The following NAV1 variants were observed in gnomAD, a reference collection of about 807,000 sequenced individuals.
NAV1 encodes the protein neuron navigator 1, also known as pore membrane and/or filament interacting like protein 3.
Under a neutral mutation model 175.2 loss-of-function variants are expected in NAV1, and 18 were observed. The observed-to-expected ratio is 0.10, with a 90% CI of 0.07 to 0.15. The LOEUF (loss-of-function observed/expected upper bound fraction) is 0.15. Ranked by LOEUF, NAV1 falls within the 10% of genes least tolerant of loss-of-function variation. The probability of loss-of-function intolerance (pLI) is 1.00; values close to 1 mark genes in which losing one functional copy is unlikely to be tolerated. For synonymous variants in NAV1, 897 were observed against 978.7 expected (o/e 0.92, Z 1.56); for missense variants, 1,731 against 2,436.6 (o/e 0.71, Z 6.10).
At chr1:201,662,796 A>G (rs1077073) in intron 1 of NAV1, among the ~76,000 whole-genome samples, 45,797 of 152,064 alleles carry the variant, frequency 0.3, 7,254 homozygotes, top group Admixed American at 0.42. Flanking sequence ...AGTGCTCACA[A>G]TGGGCTTCAT....
rs532774244 is a variant in NAV1 at position 201,811,512 on chromosome 1, G to C, written c.4798-91G>C. The stretch of plus-strand genomic sequence containing the variant: ...GAACTAAAGGCCCCAGGGGAATCTA[G>C]ATCTAGTAAGACTTCTTCAAAATCC... On this transcript the variant is annotated intron_variant, in intron 24 of 29. Transcript: ENST00000367296. 21 of 1,496,770 alleles carry C rather than the reference G, an allele frequency of 1.4e-5. No individual in the cohort carries two copies. In the South Asian group the frequency reaches 2.3e-4, roughly 17 times the overall value. 92.7% of individuals were successfully genotyped at this position (1,496,770 alleles called of 1,614,324 possible). A position where few individuals can be genotyped will look rare whatever the true frequency, so the allele number is the denominator to read the frequency against.
intron 2 of NAV1, among the ~76,000 whole-genome samples, chr1:201,636,531 C>A (rs1258848411): frequency 6.6e-6 from 1 of 152,122 alleles, no homozygotes; most frequent in Non-Finnish European, 1.5e-5. Context: ...TGGTGGGAGT[C>A]CCAGGCTTCA....
At chr1:201,603,151 G>A (rs913159330) in intron 2 of NAV1, among the ~76,000 whole-genome samples, 2 of 152,176 alleles carry the variant, frequency 1.3e-5, no homozygotes, top group Admixed American at 1.3e-4. Context: ...AGGGAGACTG[G>A]ACTGAAAATT....
At chr1:201,822,457 T>C (rs1679440692) in exon 30 of NAV1, 1 of 152,674 alleles carries the variant, frequency 6.5e-6, no homozygotes, top group South Asian at 2.1e-4. Context: ...CCTTCTGCCA[T>C]GGATGTTACT....
exon 7 of NAV1, chr1:201,783,573 C>A: frequency 6.2e-7 from 1 of 1,614,160 alleles, no homozygotes; most frequent in Non-Finnish European, 8.5e-7. Flanking sequence ...TCCTGCTTCA[C>A]CCCCAGTCCG....
chr1:201,614,509 G>GC (rs1250413167), intron 2 of NAV1, among the ~76,000 whole-genome samples: 7 of 152,156 alleles, frequency 4.6e-5, no homozygotes, highest in Non-Finnish European at 1.0e-4. Flanking sequence ...CTTTCCCCTC[G>GC]CCCCCATCCT....
chr1:201,809,172 C>G lies in NAV1; in HGVS notation c.4216C>G (p.Pro1406Ala), dbSNP rs773819970. 7.4e-6 allele frequency: 12 copies of G among 1,613,838 alleles called. No homozygotes were observed. The highest frequency in any genetic ancestry group is 7.6e-6 in the Non-Finnish European group (9 of 1,179,858). Residue 1406 changes from proline to alanine, a missense_variant, in exon 21 of 30, where the codon CCC (proline) becomes GCC (alanine). This residue lies in a region of NAV1 where 122 missense variants were observed against 139.4 expected (regional missense o/e 0.88). Transcript: ENST00000367296. ...CTTTTCAATCCCCACAGACCTGTCA[C>G]CCATGGATGGCATCAGTACTTGTGG...
At chr1:201,549,806 C>T (rs559292269) in intron 1 of NAV1, among the ~76,000 whole-genome samples, 2 of 150,554 alleles carry the variant, frequency 1.3e-5, no homozygotes, top group African/African-American at 2.4e-5. Flanking sequence ...GTCAGGAGAT[C>T]GAGAACATCC....
intron 1 of NAV1, among the ~76,000 whole-genome samples, chr1:201,564,204 G>A (rs1000272924): frequency 1.3e-5 from 2 of 151,460 alleles, no homozygotes; most frequent in African/African-American, 2.5e-5. Context: ...CTGGCACAGG[G>A]TCTGGCTCAT....
intron 2 of NAV1, among the ~76,000 whole-genome samples, chr1:201,617,442 G>A (rs1668038377): frequency 6.6e-6 from 1 of 152,178 alleles, no homozygotes; most frequent in Non-Finnish European, 1.5e-5. Context: ...AGACGCATAA[G>A]CTGGGCACGG....
intron 3 of NAV1, among the ~76,000 whole-genome samples, chr1:201,772,418 G>C (rs772115926): frequency 1.3e-5 from 2 of 152,192 alleles, no homozygotes; most frequent in Non-Finnish European, 2.9e-5. Flanking sequence ...ATGCAGGTCT[G>C]TATTTCTAAA....
intron 3 of NAV1, chr1:201,739,687 A>C: frequency 1.2e-6 from 1 of 829,136 alleles, no homozygotes; most frequent in Non-Finnish European, 1.5e-6. Context: ...CGGCACCTCC[A>C]GGCTTCCGAG....
At chr1:201,582,091 G>A (rs775746680) in intron 1 of NAV1, among the ~76,000 whole-genome samples, 5 of 152,116 alleles carry the variant, frequency 3.3e-5, no homozygotes, top group Non-Finnish European at 5.9e-5. Flanking sequence ...GTGAGACTCC[G>A]TCTCAAACAA....
chr1:201,771,546 G>A (rs184830475), intron 3 of NAV1, among the ~76,000 whole-genome samples: 138 of 149,424 alleles, frequency 9.2e-4, no homozygotes, highest in African/African-American at 3.1e-3. Flanking sequence ...CTATAACAGA[G>A]CCCAAACCTG....
chr1:201,611,492 C>A (rs1474158868), intron 2 of NAV1, among the ~76,000 whole-genome samples: 1 of 152,156 alleles, frequency 6.6e-6, no homozygotes, highest in Non-Finnish European at 1.5e-5. Context: ...AACACTGCGG[C>A]CTTATGCGGA....
intron 3 of NAV1, among the ~76,000 whole-genome samples, chr1:201,746,838 C>CA (rs536002148): frequency 1.3e-5 from 2 of 151,706 alleles, no homozygotes; most frequent in Admixed American, 6.6e-5. Flanking sequence ...TCCATCTCTA[C>CA]AAAAAAATAC....
At chr1:201,806,847 C>T (rs1241913594) in intron 17 of NAV1, among the ~76,000 whole-genome samples, 1 of 152,208 alleles carries the variant, frequency 6.6e-6, no homozygotes, top group Non-Finnish European at 1.5e-5. Flanking sequence ...CCAAGATGCA[C>T]CACCCACCAG....
intron 1 of NAV1, among the ~76,000 whole-genome samples, chr1:201,551,500 A>G (rs144297262): frequency 6.6e-6 from 1 of 152,190 alleles, no homozygotes; most frequent in Non-Finnish European, 1.5e-5. Context: ...AAGTGCTGGG[A>G]TTACAAACAT....
intron 2 of NAV1, among the ~76,000 whole-genome samples, chr1:201,596,508 C>T (rs1667351351): frequency 6.6e-6 from 1 of 152,222 alleles, no homozygotes; most frequent in African/African-American, 2.4e-5. Context: ...CAAAGAACTC[C>T]TCAGGACTTT....
Sources: gnomAD v4.1 joint callset for allele counts (sites outside exome capture counted in the v4.1 genomes callset) on GRCh38, gnomAD v4.1.1 for gene constraint, gnomAD v4.1.1 regional missense constraint, MANE v1.5 for transcripts, NCBI Gene and HGNC (gene_info 2026-07-23, HGNC 2026-07-21) for gene names.